The following YME1L1 variants were observed in gnomAD, a reference collection of about 807,000 sequenced individuals.
YME1L1 encodes the protein YME1 like 1 ATPase.
Under a neutral mutation model 90.4 loss-of-function variants are expected in YME1L1, and 39 were observed. The ratio of observed to expected loss-of-function variants is 0.43; its 90% CI spans 0.33 to 0.56. YME1L1 has a LOEUF of 0.56. YME1L1 is among the 20% of genes least tolerant of loss of function. The pLI is 0.03. For missense variants in YME1L1, 617 were observed against 868.4 expected (o/e 0.71, Z 3.64); for synonymous variants, 284 against 287.3 (o/e 0.99, Z 0.12).
At chr10:27,140,967 C>T (rs1236380068) in intron 4 of YME1L1, among the ~76,000 whole-genome samples, 1 of 152,178 alleles carries the variant, frequency 6.6e-6, no homozygotes, top group Non-Finnish European at 1.5e-5. Context: ...CAGCTGTCTT[C>T]TTCTGTCTTC....
At chr10:27,148,763 TTAG>T in intron 2 of YME1L1, 140 bp downstream of exon 2, 2 of 916,834 alleles carry the variant, frequency 2.2e-6, no homozygotes, top group East Asian at 2.4e-5. Context: ...TAGTAGGGTA[TTAG>T]TAGTTAAGTT....
intron 11 of YME1L1, 56 bp downstream of exon 11, chr10:27,122,785 T>C: frequency 6.2e-7 from 1 of 1,600,608 alleles, no homozygotes; most frequent in Non-Finnish European, 8.5e-7. Context: ...CAATTCTACG[T>C]ATATCAAATG....
intron 8 of YME1L1, among the ~76,000 whole-genome samples, chr10:27,129,714 A>G (rs1246903842): frequency 9.4e-6 from 1 of 106,868 alleles, no homozygotes. Context: ...TGGAAAAGAT[A>G]AAATAAAAAA....
At chr10:27,143,334 A>C (rs2057109475) in intron 3 of YME1L1, among the ~76,000 whole-genome samples, 1 of 151,674 alleles carries the variant, frequency 6.6e-6, no homozygotes, top group African/African-American at 2.4e-5. Flanking sequence ...GCGCCATTGC[A>C]CTCCCGCCTG....
At chr10:27,113,490 G>A (rs1480044772) in intron 18 of YME1L1, among the ~76,000 whole-genome samples, 2 of 151,228 alleles carry the variant, frequency 1.3e-5, no homozygotes, top group Non-Finnish European at 2.9e-5. Context: ...GGCCAACATA[G>A]TGAAACCCTG....
chr10:27,138,986 ATT>A (rs893429296), intron 4 of YME1L1, among the ~76,000 whole-genome samples: 8 of 152,120 alleles, frequency 5.3e-5, no homozygotes, highest in African/African-American at 1.9e-4. Context: ...AAATAATGAT[ATT>A]TTTCTTTTCT....
At chr10:27,113,781 G>A (rs1201629471) in intron 18 of YME1L1, among the ~76,000 whole-genome samples, 1 of 150,986 alleles carries the variant, frequency 6.6e-6, no homozygotes, top group Non-Finnish European at 1.5e-5. Flanking sequence ...CTTGAGCCCA[G>A]GAGTTCAAGT....
chr10:27,134,012 AG>A (rs1467487701), intron 7 of YME1L1, 26 bp downstream of exon 7: 1 of 1,474,908 alleles, frequency 6.8e-7, no homozygotes, highest in Admixed American at 1.8e-5. Flanking sequence ...ATAAGAAATA[AG>A]TTAGACAAAT....
chr10:27,145,601 T>A lies in YME1L1; in HGVS notation c.169-11A>T. 1 of 1,608,226 alleles carries A rather than the reference T, an allele frequency of 6.2e-7. No individual in the cohort carries two copies. Among genetic ancestry groups the A allele is most frequent in the Non-Finnish European group, 8.5e-7 (1 of 1,176,366 alleles). On this transcript the variant is annotated splice_polypyrimidine_tract_variant and intron_variant, in intron 2 of 18. Transcript: ENST00000376016. ...TAAGTTAAGTGAAGGCTGTAAAAGATTGGGTCAACCAGGTATGCATTAATA... is the reference window on the plus strand; with the variant it reads ...TAAGTTAAGTGAAGGCTGTAAAAGAATGGGTCAACCAGGTATGCATTAATA...
Position 27,116,317 on chromosome 10 carries a change from CATCT to C in YME1L1, c.1744_1747del (p.Arg582GlyfsTer45). On this transcript the variant is annotated frameshift_variant, in exon 16 of 19. Coordinates refer to ENST00000376016, the MANE Select transcript of YME1L1 (RefSeq NM_014263.4). LOFTEE classifies it high-confidence loss of function. ...AAGCAGCTGGGCTCTAGTTTCATTCCATCTGTCATTCTCAGGTAACAGGGACACC... is the reference window on the plus strand; with the variant it reads ...AAGCAGCTGGGCTCTAGTTTCATTCCGTCATTCTCAGGTAACAGGGACACC... 1 of 1,614,080 alleles carries C rather than the reference CATCT, an allele frequency of 6.2e-7. No individual in the cohort carries two copies. The highest frequency in any genetic ancestry group is 8.5e-7 in the Non-Finnish European group (1 of 1,180,016).
chr10:27,128,486 A>C (rs1396647670), intron 8 of YME1L1, among the ~76,000 whole-genome samples: 1 of 152,036 alleles, frequency 6.6e-6, no homozygotes, highest in Non-Finnish European at 1.5e-5. Context: ...TGTTACCCCC[A>C]GCACTTTGTG....
At chr10:27,115,989 T>C (rs1256174088) in intron 17 of YME1L1, 71 bp downstream of exon 17, 1 of 1,358,164 alleles carries the variant, frequency 7.4e-7, no homozygotes, top group Non-Finnish European at 1.0e-6. Flanking sequence ...CAATTTATAA[T>C]CAGAACCAGC....
intron 4 of YME1L1, among the ~76,000 whole-genome samples, chr10:27,141,806 T>C (rs1364406323): frequency 6.6e-6 from 1 of 152,154 alleles, no homozygotes; most frequent in Non-Finnish European, 1.5e-5. Flanking sequence ...TTTCCTGAGT[T>C]CTACTACTGG....
intron 6 of YME1L1, among the ~76,000 whole-genome samples, chr10:27,134,454 G>A (rs1432961968): frequency 6.6e-6 from 1 of 152,156 alleles, no homozygotes; most frequent in Non-Finnish European, 1.5e-5. Flanking sequence ...ACATGCCTGT[G>A]ATCCTAGCTA....
chr10:27,140,373 T>C (rs1051924343), intron 4 of YME1L1, among the ~76,000 whole-genome samples: 7 of 152,234 alleles, frequency 4.6e-5, no homozygotes, highest in African/African-American at 1.7e-4. Context: ...GATATACAGA[T>C]TTTCACTGTG....
At chr10:27,124,088 G>C (rs1195783705) in intron 9 of YME1L1, among the ~76,000 whole-genome samples, 2 of 152,152 alleles carry the variant, frequency 1.3e-5, no homozygotes, top group Admixed American at 1.3e-4. Context: ...AAATTCTAGA[G>C]ACATCTGGTG....
intron 5 of YME1L1, 27 bp from the exon 6 acceptor site, chr10:27,135,008 C>A (rs1305757292): frequency 1.3e-5 from 21 of 1,597,478 alleles, no homozygotes; most frequent in Non-Finnish European, 1.7e-5. Context: ...CACATCAGTA[C>A]TGGTTAACAA....
chr10:27,114,889 T>G (rs1478099693), intron 17 of YME1L1, among the ~76,000 whole-genome samples: 4 of 152,088 alleles, frequency 2.6e-5, no homozygotes, highest in Non-Finnish European at 1.5e-5. Flanking sequence ...TAGCTGGGCA[T>G]AGCGGCACGT....
At chr10:27,147,281 G>T in intron 2 of YME1L1, 1 of 754,814 alleles carries the variant, frequency 1.3e-6, no homozygotes, top group Non-Finnish European at 2.1e-6. Context: ...ACTGCTTCAG[G>T]CCAGGAGTTC....
Sources: allele counts gnomAD v4.1 joint callset (sites outside exome capture counted in the v4.1 genomes callset), GRCh38; gene constraint gnomAD v4.1.1; transcripts MANE v1.5; gene names NCBI Gene and HGNC (gene_info 2026-07-23, HGNC 2026-07-21).